The following R3HDM1 variants were observed in gnomAD, a reference collection of about 807,000 sequenced individuals.
R3HDM1 encodes R3H domain containing 1, also known as R3H domain-containing protein 1.
In R3HDM1, 46 loss-of-function variants were observed where a neutral mutation model predicts 141.1. The observed-to-expected ratio is 0.33, with a 90% CI of 0.26 to 0.42. The LOEUF is 0.42. Ranked by LOEUF, R3HDM1 falls within the 10% of genes least tolerant of loss-of-function variation. The pLI is 1.00. For missense variants in R3HDM1, 1,184 were observed against 1,368.3 expected (o/e 0.87, Z 2.12); for synonymous variants, 435 against 472.9 (o/e 0.92, Z 1.04).
In R3HDM1 at chr2:135,699,032, T is replaced by TA. The variant is rs1338889595; in HGVS notation, c.2460-10400dup. 5.1e-3 allele frequency among the ~76,000 whole-genome samples: 484 copies of TA among 95,456 alleles called. 6 individuals are homozygous for TA. The highest frequency in any genetic ancestry group is 0.019 in the East Asian group (68 of 3,536). 62.6% of individuals were successfully genotyped at this position (95,456 alleles called of 152,430 possible). A position where few individuals can be genotyped will look rare whatever the true frequency, so the allele number is the denominator to read the frequency against. Reference sequence around the variant, plus strand: ...ATAGATAGATAGATAGATAGATAGATAGATAGATAGATAAGATAGATAAGA... The same window carrying TA: ...ATAGATAGATAGATAGATAGATAGATAAGATAGATAGATAAGATAGATAAGA... On this transcript the variant is annotated intron_variant, in intron 21 of 26. Coordinates refer to ENST00000683871, the MANE Select transcript of R3HDM1 (RefSeq NM_001378107.1).
chr2:135,650,017 A>T lies in R3HDM1; in HGVS notation c.1725+14A>T, dbSNP rs186696767. ...CAATACTCTGTGGTACTATATCTCT[A>T]TTCACCTCCTGCGTTGTTTCTGTGG... is the stretch of plus-strand genomic sequence containing the variant. On this transcript the variant is annotated intron_variant, in intron 17 of 26. Coordinates refer to ENST00000683871, the MANE Select transcript of R3HDM1 (RefSeq NM_001378107.1). The T allele has an allele frequency of 4.0e-6, 5 of 1,235,540 alleles. No individual in the cohort carries two copies. The African/African-American group carries it at 7.8e-5, about 19-fold the overall frequency. 76.5% of individuals were successfully genotyped at this position (1,235,540 alleles called of 1,614,324 possible).
chr2:135,723,654 G>C (rs908910326), intron 26 of R3HDM1, among the ~76,000 whole-genome samples: 9 of 151,120 alleles, frequency 6.0e-5, no homozygotes, highest in African/African-American at 1.9e-4. Context: ...GCGGGCGCTT[G>C]TAATCCCAGC....
At position 135,679,277 on chromosome 2, in the gene R3HDM1, A is replaced by G. The variant is rs116178122; in HGVS notation, c.2308-896A>G. Among the ~76,000 whole-genome samples the G allele has an allele frequency of 3.9e-3, 587 of 152,166 alleles. 3 individuals carry two copies. Among genetic ancestry groups the G allele is most frequent in the African/African-American group, 0.014 (565 of 41,512 alleles). The stretch of plus-strand genomic sequence containing the variant: ...GTTCGTGTGATTTCATTTAGATGAT[A>G]TAGAAAACAGAACTGAAAGATACAC... On this transcript the variant is annotated intron_variant, in intron 20 of 26. Transcript: ENST00000683871.
chr2:135,694,875 A>G (rs2073003896), intron 21 of R3HDM1, among the ~76,000 whole-genome samples: 1 of 152,214 alleles, frequency 6.6e-6, no homozygotes, highest in Non-Finnish European at 1.5e-5. Flanking sequence ...AGGAGCAGAC[A>G]CAAACAATCC....
intron 21 of R3HDM1, among the ~76,000 whole-genome samples, chr2:135,680,930 G>T (rs1471755072): frequency 6.6e-6 from 1 of 152,120 alleles, no homozygotes; most frequent in Non-Finnish European, 1.5e-5. Context: ...AATATTTAAG[G>T]TTTTTATAGG....
intron 1 of R3HDM1, among the ~76,000 whole-genome samples, chr2:135,601,271 A>G (rs1367211048): frequency 6.6e-6 from 1 of 152,132 alleles, no homozygotes; most frequent in Admixed American, 6.5e-5. Context: ...GTTTTTTGAT[A>G]TTTGTTTTTG....
At chr2:135,708,885 G>A (rs2075269393) in intron 21 of R3HDM1, among the ~76,000 whole-genome samples, 1 of 149,042 alleles carries the variant, frequency 6.7e-6, no homozygotes, top group African/African-American at 2.5e-5. Context: ...CTTGAAGCCT[G>A]GAGGCAGAGG....
At position 135,724,301 on chromosome 2, in the gene R3HDM1, T is replaced by G. The variant is rs377724464; in HGVS notation, c.*9T>G. The G allele has an allele frequency of 5.1e-6, 8 of 1,578,012 alleles. No individual in the cohort carries two copies. The highest frequency in any genetic ancestry group is 6.9e-6 in the Non-Finnish European group (8 of 1,153,454). Reference sequence around the variant, plus strand: ...GGGCAAGTTCTCAGTAACAGCCACCTTTGGACCCTTCGCCTTTATGGTTCC... The same window carrying G: ...GGGCAAGTTCTCAGTAACAGCCACCGTTGGACCCTTCGCCTTTATGGTTCC... On this transcript the variant is annotated 3_prime_UTR_variant, in exon 27 of 27. Coordinates refer to ENST00000683871, the MANE Select transcript of R3HDM1 (RefSeq NM_001378107.1).
chr2:135,605,449 TG>T (rs1398245244), intron 3 of R3HDM1: 1 of 155,938 alleles, frequency 6.4e-6, no homozygotes, highest in Admixed American at 6.4e-5. Flanking sequence ...AAAAGATTTG[TG>T]GGCCCGGGGG....
intron 21 of R3HDM1, among the ~76,000 whole-genome samples, chr2:135,685,528 G>A (rs1156656971): frequency 2.6e-5 from 4 of 152,060 alleles, no homozygotes; most frequent in Admixed American, 6.6e-5. Flanking sequence ...TTTTCCACCA[G>A]CCTGTATTTG....
At chr2:135,644,654 C>G (rs547395866) in intron 15 of R3HDM1, among the ~76,000 whole-genome samples, 3 of 152,206 alleles carry the variant, frequency 2.0e-5, no homozygotes, top group South Asian at 4.1e-4. Context: ...TAGATATTTC[C>G]TACCTCCTAA....
chr2:135,534,850 C>T (rs193159853), intron 1 of R3HDM1, among the ~76,000 whole-genome samples: 1 of 152,164 alleles, frequency 6.6e-6, no homozygotes, highest in East Asian at 1.9e-4. Context: ...TGAACTGGTA[C>T]TTTAATATAC....
intron 21 of R3HDM1, among the ~76,000 whole-genome samples, chr2:135,703,119 A>G (rs2074453893): frequency 6.6e-6 from 1 of 152,180 alleles, no homozygotes; most frequent in African/African-American, 2.4e-5. Context: ...CCAATTTCTC[A>G]AGCCGAAGGC....
intron 24 of R3HDM1, among the ~76,000 whole-genome samples, chr2:135,720,785 G>A (rs2076626364): frequency 6.6e-6 from 1 of 152,194 alleles, no homozygotes; most frequent in African/African-American, 2.4e-5. Flanking sequence ...TTGAGTATAT[G>A]TAAATGTGTA....
At chr2:135,550,369 T>G (rs1435479706) in intron 1 of R3HDM1, 1 of 428,078 alleles carries the variant, frequency 2.3e-6, no homozygotes, top group Non-Finnish European at 3.1e-6. Flanking sequence ...GCATTTACCT[T>G]GCTACTGAAA....
chr2:135,714,601 T>A (rs1261619898), intron 23 of R3HDM1, among the ~76,000 whole-genome samples: 1 of 152,224 alleles, frequency 6.6e-6, no homozygotes, highest in Non-Finnish European at 1.5e-5. Context: ...AATACTATTG[T>A]ATTGTTAATT....
intron 3 of R3HDM1, 159 bp downstream of exon 3, chr2:135,605,175 G>A: frequency 1.7e-6 from 1 of 574,830 alleles, no homozygotes; most frequent in Non-Finnish European, 3.0e-6. Flanking sequence ...TTAGCTTGCT[G>A]TGAGTCTTAA....
chr2:135,536,171 A>G (rs1403910012), intron 1 of R3HDM1, among the ~76,000 whole-genome samples: 1 of 151,950 alleles, frequency 6.6e-6, no homozygotes, highest in Non-Finnish European at 1.5e-5. Flanking sequence ...ACAGGGATTC[A>G]CCCTGTCACC....
chr2:135,559,013 CTA>C, intron 1 of R3HDM1: 1 of 981,574 alleles, frequency 1.0e-6, no homozygotes, highest in Non-Finnish European at 1.2e-6. Context: ...AAACTTAAAA[CTA>C]AAATACCTTA....
Sources: allele counts gnomAD v4.1 joint callset (sites outside exome capture counted in the v4.1 genomes callset), GRCh38; gene constraint gnomAD v4.1.1; transcripts MANE v1.5; gene names NCBI Gene and HGNC (gene_info 2026-07-23, HGNC 2026-07-21).